VBP1: variants seen among roughly 807,000 people sequenced by gnomAD.
VBP1 encodes VHL binding protein 1.
VBP1 carries 4 observed loss-of-function variants against 15.5 expected under a neutral mutation model. The ratio of observed to expected loss-of-function variants is 0.26; its 90% CI spans 0.13 to 0.59. The LOEUF is 0.59. Among genes scored for constraint, VBP1 ranks in the 20% least tolerant of loss-of-function variants. The probability of loss-of-function intolerance (pLI) is 0.90; values close to 1 mark genes in which losing one functional copy is unlikely to be tolerated. For missense variants in VBP1, 108 were observed against 139.6 expected (o/e 0.77, Z 1.14); for synonymous variants, 61 against 52.1 (o/e 1.17, Z -0.74).
chrX:155,222,580 A>G (rs1557309694), intron 2 of VBP1, among the ~76,000 whole-genome samples: 1 of 111,932 alleles, frequency 8.9e-6, no homozygotes, highest in Non-Finnish European at 1.9e-5. Flanking sequence ...TAGTAAATTA[A>G]TGATAGACAA....
chrX:155,231,776 G>C (rs1305712459), intron 4 of VBP1, among the ~76,000 whole-genome samples: 1 of 112,343 alleles, frequency 8.9e-6, no homozygotes, highest in Non-Finnish European at 1.9e-5. Context: ...CACAGAGTTT[G>C]CCTCCTTGGT....
chrX:155,216,524 C>G lies in VBP1; in HGVS notation c.42C>G (p.Ala14=). The change falls in exon 1 of 6, where the codon GCC becomes GCG. Residue 14 remains alanine, a synonymous_variant. Transcript: ENST00000286428. The stretch of plus-strand genomic sequence containing the variant: ...ACAGTTGTGGCAAAGGAGAAATGGC[C>G]ACAGGGAATGGGCGGCGGCTCCACC... The part of the protein sequence containing the change: ...VKDSCGKGEM[A]TGNGRRLHLG... 8.5e-7 allele frequency: 1 copy of G among 1,171,669 alleles called. No homozygotes were observed. The highest frequency in any genetic ancestry group is 1.1e-6 in the Non-Finnish European group (1 of 874,611).
At chrX:155,227,944 A>G (rs1234885399) in intron 3 of VBP1, among the ~76,000 whole-genome samples, 3 of 112,345 alleles carry the variant, frequency 2.7e-5, no homozygotes, top group African/African-American at 9.7e-5. Flanking sequence ...GTACATTTTA[A>G]TATGTGGTGA....
chrX:155,226,228 C>T lies in VBP1; in HGVS notation c.219-1007C>T, dbSNP rs1159835130. Among the ~76,000 whole-genome samples, 3 of 111,497 alleles carry T rather than the reference C, an allele frequency of 2.7e-5. No individual in the cohort carries two copies. In the Admixed American group the frequency reaches 2.8e-4, roughly 11 times the overall value. On this transcript the variant is annotated intron_variant, in intron 2 of 5. Coordinates refer to ENST00000286428, the MANE Select transcript of VBP1 (RefSeq NM_003372.7). ...ATCTAATTACCATAAAGAGCTAAAC[C>T]CCAGTGACAAAAACGGTATCATTGT...
chrX:155,219,281 CTT>C (rs1463700679), intron 1 of VBP1, among the ~76,000 whole-genome samples: 1 of 112,384 alleles, frequency 8.9e-6, no homozygotes, highest in Non-Finnish European at 1.9e-5. Context: ...TGTAGCATCT[CTT>C]TTAAGTTTCA....
chrX:155,206,923 T>C (rs2074628367), intron 1 of VBP1, among the ~76,000 whole-genome samples: 2 of 111,208 alleles, frequency 1.8e-5, no homozygotes, highest in African/African-American at 6.6e-5. Context: ...GAGTATAATA[T>C]GATACTAGGT....
At chrX:155,236,898 G>C (rs1557311660) in intron 5 of VBP1, among the ~76,000 whole-genome samples, 1 of 112,126 alleles carries the variant, frequency 8.9e-6, no homozygotes, top group African/African-American at 3.2e-5. Context: ...AAGACATATG[G>C]GGCATGAAAA....
chrX:155,223,198 C>CTTTTT (rs200231292), intron 2 of VBP1, among the ~76,000 whole-genome samples: 19 of 85,250 alleles, frequency 2.2e-4, no homozygotes, highest in African/African-American at 2.8e-4. Context: ...CTATTTCTTT[C>CTTTTT]TTTTTTTAAT....
intron 2 of VBP1, 96 bp downstream of exon 2, chrX:155,220,403 C>T (rs1179885815): frequency 2.5e-6 from 2 of 791,296 alleles, no homozygotes; most frequent in African/African-American, 4.4e-5. Flanking sequence ...ATTCAGATGT[C>T]AAGTGTTCAG....
Position 155,202,558 on chromosome X carries a change from T to G in VBP1, c.-31+5419T>G, listed in dbSNP as rs371039448. On this transcript the variant is annotated intron_variant, in intron 1 of 6. Transcript: ENST00000535916. ...GCCGGGAAAACTGGCTAGCCATATG[T>G]AGAAAGCTGAAACTGGATCCCTTCC... Among the ~76,000 whole-genome samples, 13 of 109,290 alleles carry G rather than the reference T, an allele frequency of 1.2e-4. No individual in the cohort carries two copies. In the East Asian group the frequency reaches 3.1e-3, roughly 26 times the overall value. 94.9% of individuals were successfully genotyped at this position (109,290 alleles called of 115,157 possible). A position where few individuals can be genotyped will look rare whatever the true frequency, so the allele number is the denominator to read the frequency against.
rs376101219 is a variant in VBP1 at position 155,238,727 on chromosome X, T to C, written c.524-45T>C. 6 of 1,068,792 alleles carry C rather than the reference T, an allele frequency of 5.6e-6. No individual in the cohort carries two copies. The African/African-American group carries it at 1.1e-4, about 20-fold the overall frequency. The allele number at this position is 1,068,792 out of a possible 1,213,427, so 88.1% of individuals were successfully genotyped here. A position where few individuals can be genotyped will look rare whatever the true frequency, so the allele number is the denominator to read the frequency against. ...AGTGAATACTTAGTCATTGCATGCA[T>C]TATCTTTAGAATTGCATTTGCATTT... On this transcript the variant is annotated intron_variant, in intron 5 of 5. Transcript: ENST00000286428.
At chrX:155,227,385 A>G (rs1312996669) in intron 3 of VBP1, 84 bp downstream of exon 3, 1 of 678,751 alleles carries the variant, frequency 1.5e-6, no homozygotes. Context: ...GGTCACTGAT[A>G]TTTGATCTGT....
At chrX:155,216,637 G>C (rs1602878092) in intron 1 of VBP1, 62 bp downstream of exon 1, 1 of 1,156,929 alleles carries the variant, frequency 8.6e-7, no homozygotes, top group East Asian at 3.3e-5. Flanking sequence ...CTTTCTTCCC[G>C]GCTCCCACCC....
chrX:155,220,380 C>A, intron 2 of VBP1, 73 bp downstream of exon 2: 1 of 901,835 alleles, frequency 1.1e-6, no homozygotes, highest in Admixed American at 4.1e-5. Context: ...ATATAATTTA[C>A]ATATAATAAA....
At chrX:155,237,540 C>A (rs186700998) in intron 5 of VBP1, among the ~76,000 whole-genome samples, 57 of 111,470 alleles carry the variant, frequency 5.1e-4, no homozygotes, top group Non-Finnish European at 9.0e-4. Flanking sequence ...GAAGTGCCCC[C>A]AGCTTGTCTC....
Position 155,216,542 on chromosome X carries a change from G to T in VBP1, c.60G>T (p.Arg20=). ...AAATGGCCACAGGGAATGGGCGGCG[G>T]CTCCACCTGGGGATTCCTGAGGCCG... The part of the protein sequence containing the change: ...KGEMATGNGR[R]LHLGIPEAVF... Residue 20 remains arginine, a synonymous_variant, in exon 1 of 6, where the codon CGG becomes CGT. Coordinates refer to ENST00000286428, the MANE Select transcript of VBP1 (RefSeq NM_003372.7). 8.5e-7 allele frequency: 1 copy of T among 1,170,740 alleles called. No individual in the cohort carries two copies. The highest frequency in any genetic ancestry group is 1.1e-6 in the Non-Finnish European group (1 of 874,224).
chrX:155,217,758 G>A lies in VBP1; in HGVS notation c.93+1183G>A, dbSNP rs1238085469. On this transcript the variant is annotated intron_variant, in intron 1 of 5. Transcript: ENST00000286428. ...AAAACTCGAGGTGGTAGCTACTACT[G>A]TTATGCCCGTTTTTTAGATGATAAA... Among the ~76,000 whole-genome samples the A allele has an allele frequency of 2.6e-4, 29 of 111,541 alleles. 1 individual carries two copies. The Admixed American group carries it at 2.8e-3, about 11-fold the overall frequency.
At chrX:155,237,952 G>A (rs782489725) in intron 5 of VBP1, among the ~76,000 whole-genome samples, 54 of 111,596 alleles carry the variant, frequency 4.8e-4, no homozygotes, top group Non-Finnish European at 9.0e-4. Flanking sequence ...GCCTAGTGCA[G>A]TGGTCATCAT....
At chrX:155,228,258 C>G (rs1316523441) in intron 3 of VBP1, 126 bp from the exon 4 acceptor site, 2 of 529,338 alleles carry the variant, frequency 3.8e-6, no homozygotes, top group African/African-American at 2.4e-5. Flanking sequence ...TCTTTTACCA[C>G]TACACTTAGC....
Sources: gnomAD v4.1 joint callset for allele counts (sites outside exome capture counted in the v4.1 genomes callset) on GRCh38, gnomAD v4.1.1 for gene constraint, MANE v1.5 for transcripts, NCBI Gene and HGNC (gene_info 2026-07-23, HGNC 2026-07-21) for gene names.